Variants in ZFHX3 observed in about 807,000 individuals in gnomAD.
ZFHX3 encodes the protein zinc finger homeobox 3.
Under a neutral mutation model 279.1 loss-of-function variants are expected in ZFHX3, and 42 were observed. That is an observed-to-expected ratio of 0.15 (90% CI 0.12 to 0.19). The LOEUF is 0.19. Among genes scored for constraint, ZFHX3 ranks in the 10% least tolerant of loss-of-function variants. ZFHX3 has a pLI of 1.00. For synonymous variants in ZFHX3, 2,293 were observed against 1,957.8 expected, an observed-to-expected ratio of 1.17 and a Z score of -4.52; for missense variants, 4,981 against 4,754.0, an observed-to-expected ratio of 1.05 and a Z score of -1.40.
intron 2 of ZFHX3, among the ~76,000 whole-genome samples, chr16:73,629,404 A>G (rs2052447672): frequency 6.6e-6 from 1 of 152,098 alleles, no homozygotes; most frequent in Admixed American, 6.5e-5. Flanking sequence ...TCTTAAAATT[A>G]CATTGCTGGT....
intron 8 of ZFHX3, among the ~76,000 whole-genome samples, chr16:73,072,845 C>T (rs1027510167): frequency 2.0e-5 from 3 of 151,972 alleles, no homozygotes; most frequent in Admixed American, 1.3e-4. Context: ...CTGGGATTAC[C>T]GGCATGAGCC....
At chr16:73,141,682 G>A (rs768502560) in intron 6 of ZFHX3, among the ~76,000 whole-genome samples, 27 of 152,138 alleles carry the variant, frequency 1.8e-4, no homozygotes, top group Non-Finnish European at 3.4e-4. Context: ...ACAGACATAA[G>A]GCATCACATC....
chr16:73,366,313 C>A (rs1217218384), intron 3 of ZFHX3, among the ~76,000 whole-genome samples: 5 of 152,140 alleles, frequency 3.3e-5, no homozygotes, highest in African/African-American at 1.2e-4. Flanking sequence ...TAATAGAGAT[C>A]ATTATGAAGA....
In ZFHX3 at chr16:73,748,638, A is replaced by G. The variant is rs1023648739; in HGVS notation, c.-1607-68398T>C. Reference sequence around the variant, plus strand: ...ACCAATCACTCCTACCTCCAGGCTTATCTACATTCATTTTGCTGCCTAGCT... The same window carrying G: ...ACCAATCACTCCTACCTCCAGGCTTGTCTACATTCATTTTGCTGCCTAGCT... On this transcript the variant is annotated intron_variant, in intron 1 of 17. Transcript: ENST00000641206. 2.6e-5 allele frequency among the ~76,000 whole-genome samples: 4 copies of G among 152,244 alleles called. No individual in the cohort carries two copies. In the South Asian group the frequency reaches 8.3e-4, roughly 32 times the overall value.
intron 3 of ZFHX3, among the ~76,000 whole-genome samples, chr16:72,927,943 G>C (rs188493866): frequency 6.7e-6 from 1 of 148,838 alleles, no homozygotes; most frequent in Non-Finnish European, 1.5e-5. Flanking sequence ...CTAAGACTCA[G>C]TAATTGTTTA....
Position 72,798,482 on chromosome 16 carries a change from C to T in ZFHX3, c.4200G>A (p.Lys1400=), listed in dbSNP as rs894754379. 1.9e-6 allele frequency: 3 copies of T among 1,614,074 alleles called. No individual in the cohort carries two copies. Among genetic ancestry groups the T allele is most frequent in the African/African-American group, 1.3e-5 (1 of 74,944 alleles). ...CCAGGCTACACTGATTACAGCGGTA[C>T]TTGTACACATGGCGATCTGACACCG... ...QLPVSDRHVY[K]YRCNQCSLAF... is the part of the protein sequence containing the mutation. The change falls in exon 9 of 10, where the codon AAG becomes AAA. Residue 1400 remains lysine, a synonymous_variant. Coordinates refer to ENST00000268489, the MANE Select transcript of ZFHX3 (RefSeq NM_006885.4).
Position 73,695,396 on chromosome 16 carries a change from G to A in ZFHX3, c.-1607-15156C>T, listed in dbSNP as rs1431844100. Among the ~76,000 whole-genome samples the A allele has an allele frequency of 2.6e-5, 4 of 152,094 alleles. No homozygotes were observed. In the East Asian group the frequency reaches 5.8e-4, roughly 22 times the overall value. ...AGATTATAGGCACCCAGCTGGCTGAGACTAAATAAAATGTTTTATGATAAT... is the reference window on the plus strand; with the variant it reads ...AGATTATAGGCACCCAGCTGGCTGAAACTAAATAAAATGTTTTATGATAAT... On this transcript the variant is annotated intron_variant, in intron 1 of 17. Coordinates refer to the ZFHX3 transcript ENST00000641206.
chr16:73,063,452 G>A (rs1373530921), upstream of ZFHX3, among the ~76,000 whole-genome samples: 2 of 152,184 alleles, frequency 1.3e-5, no homozygotes, highest in Non-Finnish European at 2.9e-5. Context: ...TTTTCTGGTA[G>A]AGATGCGGGG....
chr16:73,699,817 A>G (rs2053230551), intron 1 of ZFHX3, among the ~76,000 whole-genome samples: 1 of 152,232 alleles, frequency 6.6e-6, no homozygotes, highest in African/African-American at 2.4e-5. Context: ...CCACCGTAAC[A>G]GTTCCAGTCT....
intron 2 of ZFHX3, among the ~76,000 whole-genome samples, chr16:73,678,996 A>C (rs2052983353): frequency 6.6e-6 from 1 of 152,226 alleles, no homozygotes; most frequent in Non-Finnish European, 1.5e-5. Context: ...TCTAGGGTCA[A>C]GCACATCGAC....
intron 5 of ZFHX3, among the ~76,000 whole-genome samples, chr16:73,173,347 C>T (rs1967584544): frequency 6.6e-6 from 1 of 151,990 alleles, no homozygotes; most frequent in Admixed American, 6.6e-5. Context: ...CAGTTAATTG[C>T]ATTAGCAGGT....
chr16:73,186,269 GC>G (rs1452380173), intron 5 of ZFHX3, among the ~76,000 whole-genome samples: 1 of 152,120 alleles, frequency 6.6e-6, no homozygotes, highest in African/African-American at 2.4e-5. Flanking sequence ...TGGAAAAACT[GC>G]CTTCCATGAA....
At position 72,788,102 on chromosome 16, in the gene ZFHX3, GCA is replaced by G. The variant is rs2035525109; in HGVS notation, c.10172_10173del (p.Val3391AlafsTer39). On this transcript the variant is annotated frameshift_variant, in exon 10 of 10. Coordinates refer to ENST00000268489, the MANE Select transcript of ZFHX3 (RefSeq NM_006885.4). LOFTEE classifies it high-confidence loss of function. ...RQLQQQQQQK[V>X]QQQQPKASQT... Reference sequence around the variant, plus strand: ...TGGCTTGCTTTGGGCTGCTGCTGCTGCACTTTTTGCTGCTGCTGCTGCTGTAG... The same window carrying G: ...TGGCTTGCTTTGGGCTGCTGCTGCTGCTTTTTGCTGCTGCTGCTGCTGTAG... The G allele has an allele frequency of 6.2e-7, 1 of 1,608,394 alleles. No homozygotes were observed. The highest frequency in any genetic ancestry group is 1.3e-5 in the African/African-American group (1 of 74,794).
intron 3 of ZFHX3, among the ~76,000 whole-genome samples, chr16:73,440,265 T>C (rs955465965): frequency 6.6e-6 from 1 of 152,124 alleles, no homozygotes; most frequent in Admixed American, 6.6e-5. Context: ...ATCAATACCG[T>C]GTTACTGAAT....
rs1359280262 is a variant in ZFHX3, at chr16:72,928,179, GAGA to G, written c.3216+22287_3216+22289del. On this transcript the variant is annotated intron_variant, in intron 3 of 9. Coordinates refer to ENST00000268489, the MANE Select transcript of ZFHX3 (RefSeq NM_006885.4). ...GGAGGGGAGAGAGGGAGGGGGAGGGGAGAGAGGGAGGGGGAGGGGAGCGAGGGG... is the reference window on the plus strand; with the variant it reads ...GGAGGGGAGAGAGGGAGGGGGAGGGGGAGGGAGGGGGAGGGGAGCGAGGGG... 3.9e-3 allele frequency among the ~76,000 whole-genome samples: 145 copies of G among 37,020 alleles called. 23 individuals are homozygous for G. The highest frequency in any genetic ancestry group is 0.014 in the African/African-American group (115 of 8,204). 24.3% of individuals were successfully genotyped at this position (37,020 alleles called of 152,430 possible). A position where few individuals can be genotyped will look rare whatever the true frequency, so the allele number is the denominator to read the frequency against.
chr16:73,591,414 C>T (rs919495744), intron 2 of ZFHX3, among the ~76,000 whole-genome samples: 1 of 145,768 alleles, frequency 6.9e-6, no homozygotes, highest in African/African-American at 2.5e-5. Flanking sequence ...GCAGAGGGGG[C>T]CGGGTGCGGT....
intron 3 of ZFHX3, among the ~76,000 whole-genome samples, chr16:73,449,425 G>C (rs1211435758): frequency 2.0e-5 from 3 of 152,120 alleles, no homozygotes; most frequent in Non-Finnish European, 2.9e-5. Context: ...TACTCAGAAG[G>C]CTGAGGCGGG....
chr16:73,360,548 A>C (rs867457155), intron 3 of ZFHX3, among the ~76,000 whole-genome samples: 1 of 152,334 alleles, frequency 6.6e-6, no homozygotes, highest in Non-Finnish European at 1.5e-5. Flanking sequence ...CATGTTGGCC[A>C]GGCTGATCTT....
intron 2 of ZFHX3, among the ~76,000 whole-genome samples, chr16:73,573,182 C>T (rs825681): frequency 6.6e-6 from 1 of 152,150 alleles, no homozygotes; most frequent in Non-Finnish European, 1.5e-5. Context: ...TGATATTTAA[C>T]CTGCCGCAGG....
Sources: gnomAD v4.1 joint callset for allele counts (sites outside exome capture counted in the v4.1 genomes callset) on GRCh38, gnomAD v4.1.1 for gene constraint, MANE v1.5 for transcripts, NCBI Gene and HGNC (gene_info 2026-07-23, HGNC 2026-07-21) for gene names.